Variants in EP400 observed in about 807,000 individuals in gnomAD.
The protein encoded by EP400 is E1A-binding protein p400.
EP400 carries 105 observed loss-of-function variants against 354.1 expected under a neutral mutation model. The observed-to-expected ratio is 0.30, with a 90% CI of 0.25 to 0.35. EP400 has a LOEUF of 0.35. Ranked by LOEUF, EP400 falls within the 10% of genes least tolerant of loss-of-function variation. The probability of loss-of-function intolerance (pLI) is 1.00; values close to 1 mark genes in which losing one functional copy is unlikely to be tolerated. For missense variants in EP400, 3,280 were observed against 4,121.0 expected (o/e 0.80, Z 5.59); for synonymous variants, 1,646 against 1,716.9 (o/e 0.96, Z 1.02).
Position 132,079,123 on chromosome 12 carries a change from A to G in EP400, c.*1450A>G, listed in dbSNP as rs1344896012. The stretch of plus-strand genomic sequence containing the variant: ...ATTGTATTTCATCTGCTTCCTCCCC[A>G]TTCTCTCACTTTAAGTGACATTGAG... On this transcript the variant is annotated 3_prime_UTR_variant, in exon 53 of 53. Coordinates refer to ENST00000389561, the MANE Select transcript of EP400 (RefSeq NM_015409.5). 6.6e-6 allele frequency: 1 copy of G among 152,190 alleles called. No homozygotes were observed. The highest frequency in any genetic ancestry group is 1.9e-4 in the East Asian group (1 of 5,198). The allele number at this position is 152,190 out of a possible 1,614,324, so 9.4% of individuals were successfully genotyped here. A position where few individuals can be genotyped will look rare whatever the true frequency, so the allele number is the denominator to read the frequency against.
rs756088490 is a variant in EP400, at chr12:132,011,662, G to C, written c.3441+28G>C. ...ATTTTTTTTTTAAACATAAAATAAA[G>C]CTAAACAGAAAGCCATGTTAATTTT... On this transcript the variant is annotated intron_variant, in intron 16 of 52. Transcript: ENST00000389561. 5 of 1,571,790 alleles carry C rather than the reference G, an allele frequency of 3.2e-6. No individual in the cohort carries two copies. The South Asian group carries it at 5.9e-5, about 19-fold the overall frequency.
In EP400 at chr12:132,036,097, C is replaced by T. The variant is rs540495134; in HGVS notation, c.5952-1585C>T. Reference sequence around the variant, plus strand: ...ACACAGCCAGGTTCACACGGAATGTCGTGGAAGGACACACCCGGGTTCACA... The same window carrying T: ...ACACAGCCAGGTTCACACGGAATGTTGTGGAAGGACACACCCGGGTTCACA... On this transcript the variant is annotated intron_variant, in intron 30 of 52. Coordinates refer to ENST00000389561, the MANE Select transcript of EP400 (RefSeq NM_015409.5). Among the ~76,000 whole-genome samples the T allele has an allele frequency of 1.7e-3, 250 of 149,750 alleles. 1 individual carries two copies. The highest frequency in any genetic ancestry group is 4.7e-3 in the Admixed American group (71 of 15,018).
rs147932226 is a variant in EP400, at chr12:131,962,367, G to A, written c.1335+413G>A. Among the ~76,000 whole-genome samples, 1,513 of 152,244 alleles carry A rather than the reference G, an allele frequency of 9.9e-3. 11 individuals are homozygous for A. The highest frequency in any genetic ancestry group is 0.016 in the Admixed American group (245 of 15,294). On this transcript the variant is annotated intron_variant, in intron 2 of 52. Transcript: ENST00000389561. Reference sequence around the variant, plus strand: ...GTGAAAGCCCAGCACCCTTTGTCTGGTTTTCCAAGTTTCACATTTTACTCG... The same window carrying A: ...GTGAAAGCCCAGCACCCTTTGTCTGATTTTCCAAGTTTCACATTTTACTCG...
At chr12:132,055,821 G>A (rs566621471) in intron 45 of EP400, among the ~76,000 whole-genome samples, 1 of 151,866 alleles carries the variant, frequency 6.6e-6, no homozygotes, top group East Asian at 1.9e-4. Context: ...TAGGCGGGAT[G>A]TGAGGGTCCG....
intron 1 of EP400, among the ~76,000 whole-genome samples, chr12:131,956,587 G>A (rs543069000): frequency 2.0e-5 from 3 of 152,214 alleles, no homozygotes; most frequent in Non-Finnish European, 4.4e-5. Flanking sequence ...GGGGTCACAT[G>A]GGTTCATTCC....
At chr12:131,968,851 G>T (rs1178010355) in intron 2 of EP400, among the ~76,000 whole-genome samples, 1 of 152,036 alleles carries the variant, frequency 6.6e-6, no homozygotes, top group African/African-American at 2.4e-5. Flanking sequence ...AAAATTTCCA[G>T]CTGTTTATTG....
At chr12:131,980,002 T>C (rs1421536061) in intron 3 of EP400, among the ~76,000 whole-genome samples, 6 of 152,242 alleles carry the variant, frequency 3.9e-5, no homozygotes, top group East Asian at 1.9e-4. Context: ...GTTGAGCAGG[T>C]GTATTCCGTG....
At chr12:132,021,464 G>A in intron 23 of EP400, 143 bp downstream of exon 23, 3 of 1,254,428 alleles carry the variant, frequency 2.4e-6, no homozygotes, top group Non-Finnish European at 3.2e-6. Context: ...TCTCACCAGT[G>A]CAGCTGCCTC....
intron 2 of EP400, 31 bp from the exon 3 acceptor site, chr12:131,979,663 C>G (rs933738640): frequency 6.3e-7 from 1 of 1,589,954 alleles, no homozygotes; most frequent in Non-Finnish European, 8.5e-7. Context: ...CTTCAGTGAT[C>G]AAAATCTCAT....
chr12:131,990,036 A>G lies in EP400; in HGVS notation c.2482A>G (p.Ser828Gly), dbSNP rs1892979209. Residue 828 changes from serine to glycine, a missense_variant, in exon 8 of 53, where the codon AGC becomes GGC. Physicochemically the swap from Ser to Gly is moderately conservative, Grantham distance 56. Coordinates refer to ENST00000389561, the MANE Select transcript of EP400 (RefSeq NM_015409.5). The surrounding 1 kb of genome is among the most constrained non-coding windows in gnomAD (Gnocchi z 4.2). The stretch of plus-strand genomic sequence containing the variant: ...AGAAAGGGGGAAGAAGGAAGAGCAG[A>G]GCAGACTGAGGCGGATAGCCGCCTC... ...REERGKKEEQ[S>G]RLRRIAASTA... The G allele has an allele frequency of 1.9e-6, 3 of 1,613,474 alleles. No individual in the cohort carries two copies. The African/African-American group carries it at 4.0e-5, about 22-fold the overall frequency.
chr12:132,044,392 C>G (rs1895016045), intron 35 of EP400, 81 bp downstream of exon 35: 5 of 1,520,572 alleles, frequency 3.3e-6, no homozygotes, highest in Admixed American at 2.1e-5. Flanking sequence ...TGTTCAAAGT[C>G]TGTGTACATT....
chr12:132,066,631 A>C (rs778287239), intron 48 of EP400, 143 bp from the exon 49 acceptor site: 2 of 849,250 alleles, frequency 2.4e-6, no homozygotes, highest in Non-Finnish European at 3.5e-6. Context: ...CAGATCTCTC[A>C]GTTTTCCTTT....
Position 132,029,564 on chromosome 12 carries a change from C to T in EP400, c.5382-137C>T. 1 of 950,082 alleles carries T rather than the reference C, an allele frequency of 1.1e-6. No individual in the cohort carries two copies. Among genetic ancestry groups the T allele is most frequent in the Non-Finnish European group, 1.6e-6 (1 of 630,540 alleles). 58.9% of individuals were successfully genotyped at this position (950,082 alleles called of 1,614,324 possible). Reference sequence around the variant, plus strand: ...CCTGCCCGTGTGCCAACACCCACATCCCCATGTGACTGGGTTGAGCCCTGC... The same window carrying T: ...CCTGCCCGTGTGCCAACACCCACATTCCCATGTGACTGGGTTGAGCCCTGC... On this transcript the variant is annotated intron_variant, in intron 27 of 52. Coordinates refer to ENST00000389561, the MANE Select transcript of EP400 (RefSeq NM_015409.5). The surrounding 1 kb of genome is among the most constrained non-coding windows in gnomAD (Gnocchi z 4.7).
chr12:132,019,975 G>A (rs1322178216), intron 21 of EP400, 74 bp from the exon 22 acceptor site: 16 of 1,420,946 alleles, frequency 1.1e-5, no homozygotes, highest in South Asian at 6.3e-5. Flanking sequence ...GGTGAACCCC[G>A]GCTCCATGAG....
At chr12:132,063,541 A>G (rs1895778482) in intron 47 of EP400, among the ~76,000 whole-genome samples, 1 of 152,228 alleles carries the variant, frequency 6.6e-6, no homozygotes, top group Non-Finnish European at 1.5e-5. Context: ...ACCATAAATG[A>G]AAAATCATTA....
chr12:131,999,478 G>A lies in EP400; in HGVS notation c.2827+4522G>A, dbSNP rs1177939727. ...TTTGTTTTGACAGTCTTGCTCTGTC[G>A]CCCAGGCTGGAGTGCAGTGGCACGA... On this transcript the variant is annotated intron_variant, in intron 12 of 52. Coordinates refer to ENST00000389561, the MANE Select transcript of EP400 (RefSeq NM_015409.5). Among the ~76,000 whole-genome samples, 3 of 152,088 alleles carry A rather than the reference G, an allele frequency of 2.0e-5. No homozygotes were observed. The East Asian group carries it at 5.8e-4, about 29-fold the overall frequency.
Position 132,066,982 on chromosome 12 carries a change from GC to G in EP400, c.8749+14del. The G allele has an allele frequency of 6.3e-7, 1 of 1,582,180 alleles. No individual in the cohort carries two copies. ...CAGAAGGCAGCAGGTGCCCGCCCCA[GC>G]ACACCCTCCCGTCCTGGGCTTGAGC... On this transcript the variant is annotated intron_variant, in intron 49 of 52. Coordinates refer to ENST00000389561, the MANE Select transcript of EP400 (RefSeq NM_015409.5).
intron 51 of EP400, among the ~76,000 whole-genome samples, chr12:132,071,917 T>C (rs1440937136): frequency 6.6e-6 from 1 of 152,200 alleles, no homozygotes; most frequent in African/African-American, 2.4e-5. Context: ...AGTACAGGTG[T>C]GTCCGAGGGC....
chr12:132,035,442 G>C (rs756285595), intron 30 of EP400, among the ~76,000 whole-genome samples: 1 of 152,234 alleles, frequency 6.6e-6, no homozygotes, highest in African/African-American at 2.4e-5. Flanking sequence ...ACAGCAAAAT[G>C]CAGAGAAGTG....
Sources: allele counts gnomAD v4.1 joint callset (sites outside exome capture counted in the v4.1 genomes callset), GRCh38; gene constraint gnomAD v4.1.1; non-coding constraint Gnocchi (gnomAD v3.1); transcripts MANE v1.5; gene names NCBI Gene and HGNC (gene_info 2026-07-23, HGNC 2026-07-21).